Variants in NEU1 observed in about 807,000 individuals in gnomAD.
NEU1 encodes the protein sialidase-1.
NEU1 carries 32 observed loss-of-function variants against 38.3 expected under a neutral mutation model. The ratio of observed to expected loss-of-function variants is 0.84; its 90% confidence interval spans 0.63 to 1.12. The LOEUF (loss-of-function observed/expected upper bound fraction) is 1.12, where lower values mean the gene tolerates loss of function less well. Among genes scored for constraint, NEU1 ranks in the 50% most tolerant of loss-of-function variants. The pLI is 0.00. For missense variants in NEU1, 431 were observed against 549.2 expected (o/e 0.78, Z 2.15); for synonymous variants, 192 against 225.2 (o/e 0.85, Z 1.32).
rs1762474985 is a variant in NEU1, at chr6:31,860,632, G to T, written c.616-11C>A. The T allele has an allele frequency of 6.2e-7, 1 of 1,612,956 alleles. No homozygotes were observed. Among genetic ancestry groups the T allele is most frequent in the Admixed American group, 1.7e-5 (1 of 59,992 alleles). On this transcript the variant is annotated splice_polypyrimidine_tract_variant and intron_variant, in intron 3 of 5. Coordinates refer to ENST00000375631, the MANE Select transcript of NEU1 (RefSeq NM_000434.4). The surrounding 1 kb of genome is among the most constrained non-coding windows in gnomAD (Gnocchi z 4.8). ...TGGCTCCCGCTGTTTCTGTGGGAAA[G>T]GGAACTGGGTGTCACAGAAGGAGAC...
chr6:31,859,620 T>C lies in NEU1; in HGVS notation c.*99A>G, dbSNP rs1264721111. On this transcript the variant is annotated 3_prime_UTR_variant, in exon 6 of 6. Coordinates refer to ENST00000375631, the MANE Select transcript of NEU1 (RefSeq NM_000434.4). ...GCCAAGGCTGGAGTCTAAAGGAAGATGGAACTGTCTTTCAGGCGTCTCCAG... is the reference window on the plus strand; with the variant it reads ...GCCAAGGCTGGAGTCTAAAGGAAGACGGAACTGTCTTTCAGGCGTCTCCAG... 1.7e-6 allele frequency: 2 copies of C among 1,194,060 alleles called. No homozygotes were observed. The highest frequency in any genetic ancestry group is 2.4e-6 in the Non-Finnish European group (2 of 816,394). The allele number at this position is 1,194,060 out of a possible 1,614,324, so 74.0% of individuals were successfully genotyped here.
chr6:31,859,962 A>G lies in NEU1; in HGVS notation c.1022-17T>C. On this transcript the variant is annotated splice_polypyrimidine_tract_variant and intron_variant, in intron 5 of 5. Transcript: ENST00000375631. ...GGTTCACTCCTGGGGAGAGCAGGAG[A>G]GTCAGGGAGAGAGGGTCTCTGCCCA... 1 of 1,612,702 alleles carries G rather than the reference A, an allele frequency of 6.2e-7. No homozygotes were observed. The highest frequency in any genetic ancestry group is 8.5e-7 in the Non-Finnish European group (1 of 1,179,808).
rs2151542524 is a variant in NEU1, at chr6:31,858,561, G to A, written c.*1158C>T. 1 of 150,122 alleles carries A rather than the reference G, an allele frequency of 6.7e-6. No individual in the cohort carries two copies. Among genetic ancestry groups the A allele is most frequent in the African/African-American group, 2.5e-5 (1 of 40,774 alleles). 9.3% of individuals were successfully genotyped at this position (150,122 alleles called of 1,614,324 possible). A position where few individuals can be genotyped will look rare whatever the true frequency, so the allele number is the denominator to read the frequency against. On this transcript the variant is annotated 3_prime_UTR_variant, in exon 6 of 6. Coordinates refer to ENST00000375631, the MANE Select transcript of NEU1 (RefSeq NM_000434.4). The stretch of plus-strand genomic sequence containing the variant: ...GGAGGCAGAGGTTGCAGTGAGCCGA[G>A]ATCGCACCACTGCACTCTAGCCTGG...
Position 31,860,409 on chromosome 6 carries a change from TG to T in NEU1, c.798+29del, listed in dbSNP as rs1307229397. ...GTTCTGGAGGGCAGGGAGGGTCAAA[TG>T]GGTAGGGAACATCTCATGGACTCCT... is the stretch of plus-strand genomic sequence containing the variant. On this transcript the variant is annotated intron_variant, in intron 4 of 5. Transcript: ENST00000375631. The surrounding 1 kb of genome is among the most constrained non-coding windows in gnomAD (Gnocchi z 4.8). 1 of 1,613,692 alleles carries T rather than the reference TG, an allele frequency of 6.2e-7. No individual in the cohort carries two copies. Among genetic ancestry groups the T allele is most frequent in the Non-Finnish European group, 8.5e-7 (1 of 1,179,848 alleles).
In NEU1 at chr6:31,860,320, A is replaced by G; in HGVS notation, c.799-56T>C. ...GAACAGGGAAAATGCCCTGTCCCCG[A>G]GGGGAGCAAGGGTGTGTGGCACTGA... On this transcript the variant is annotated intron_variant, in intron 4 of 5. Transcript: ENST00000375631. The surrounding 1 kb of genome is among the most constrained non-coding windows in gnomAD (Gnocchi z 4.8). The G allele has an allele frequency of 6.2e-7, 1 of 1,602,390 alleles. No homozygotes were observed. Among genetic ancestry groups the G allele is most frequent in the Non-Finnish European group, 8.5e-7 (1 of 1,169,884 alleles).
In NEU1 at chr6:31,862,689, C is replaced by T; in HGVS notation, c.88G>A (p.Val30Met). The T allele has an allele frequency of 1.2e-6, 2 of 1,612,910 alleles. No homozygotes were observed. The highest frequency in any genetic ancestry group is 2.2e-5 in the East Asian group (1 of 44,900). ...LGFWGGCRVW[V>M]FAAIFLLLSL... ...AGCAGCAGGAAGATCGCGGCAAACA[C>T]CCAAACCCTACAGCCTCCCCAGAAG... Residue 30 changes from valine (V) to methionine (M), a missense_variant, in exon 1 of 6, where the codon GTG becomes ATG. Transcript: ENST00000375631. The surrounding 1 kb of genome is among the most constrained non-coding windows in gnomAD (Gnocchi z 6.3).
At position 31,860,253 on chromosome 6, in the gene NEU1, G is replaced by A; in HGVS notation, c.810C>T (p.Leu270=). 6.2e-7 allele frequency: 1 copy of A among 1,613,172 alleles called. No homozygotes were observed. ...CATTGATGACGACTGAGCCATCTGG[G>A]AGCTCATAGGGCTGAGGGGAGAGGA... The part of the protein sequence containing the change: ...FNPDECQPYE[L]PDGSVVINAR... Residue 270 remains leucine (L), a synonymous_variant, in exon 5 of 6, where the codon CTC becomes CTT. Coordinates refer to ENST00000375631, the MANE Select transcript of NEU1 (RefSeq NM_000434.4). This position sits in a 1 kb window ranked among gnomAD's most constrained non-coding sequence, Gnocchi z 4.8.
intron 2 of NEU1, chr6:31,861,738 G>A: frequency 1.6e-6 from 1 of 618,884 alleles, no homozygotes; most frequent in Non-Finnish European, 2.8e-6. Context: ...TTTGTTCGTG[G>A]CTATATTCAT....
In NEU1 at chr6:31,858,840, C is replaced by A. The variant is rs969440330; in HGVS notation, c.*879G>T. The A allele has an allele frequency of 6.6e-6, 1 of 151,596 alleles. No homozygotes were observed. The highest frequency in any genetic ancestry group is 2.4e-5 in the African/African-American group (1 of 41,170). 9.4% of individuals were successfully genotyped at this position (151,596 alleles called of 1,614,324 possible). A position where few individuals can be genotyped will look rare whatever the true frequency, so the allele number is the denominator to read the frequency against. ...TACCAGCCTGGGCAACATAGCGCAA[C>A]CTTGTCTCTACTGAAAATAAAAATT... On this transcript the variant is annotated 3_prime_UTR_variant, in exon 6 of 6. Coordinates refer to ENST00000375631, the MANE Select transcript of NEU1 (RefSeq NM_000434.4).
Position 31,860,124 on chromosome 6 carries a change from G to A in NEU1, c.939C>T (p.Leu313=), listed in dbSNP as rs149992593. 11 of 1,613,044 alleles carry A rather than the reference G, an allele frequency of 6.8e-6. No homozygotes were observed. The highest frequency in any genetic ancestry group is 1.1e-5 in the South Asian group (1 of 91,088). ...RPRDVTFDPE[L]VDPVVAAGAV... Reference sequence around the variant, plus strand: ...CTCCTGCAGCTACCACAGGGTCCACGAGCTCAGGGTCGAAGGTCACATCAC... The same window carrying A: ...CTCCTGCAGCTACCACAGGGTCCACAAGCTCAGGGTCGAAGGTCACATCAC... The change falls in exon 5 of 6, where the codon CTC becomes CTT. Residue 313 remains leucine, a synonymous_variant. Transcript: ENST00000375631. The surrounding 1 kb of genome is among the most constrained non-coding windows in gnomAD (Gnocchi z 4.8).
At chr6:31,861,481 T>G in intron 2 of NEU1, 31 bp from the exon 3 acceptor site, 5 of 1,612,412 alleles carry the variant, frequency 3.1e-6, no homozygotes, top group Non-Finnish European at 4.2e-6. Flanking sequence ...AAACCCAGAG[T>G]GAGCACTCTG....
In NEU1 at chr6:31,860,289, G is replaced by A; in HGVS notation, c.799-25C>T. The A allele has an allele frequency of 6.2e-7, 1 of 1,612,480 alleles. No homozygotes were observed. The highest frequency in any genetic ancestry group is 8.5e-7 in the Non-Finnish European group (1 of 1,179,018). ...GCTGAGGGGAGAGGACAGGACCTCAGGGAGGGAACAGGGAAAATGCCCTGT... is the reference window on the plus strand; with the variant it reads ...GCTGAGGGGAGAGGACAGGACCTCAAGGAGGGAACAGGGAAAATGCCCTGT... On this transcript the variant is annotated intron_variant, in intron 4 of 5. Transcript: ENST00000375631. The surrounding 1 kb of genome is among the most constrained non-coding windows in gnomAD (Gnocchi z 4.8).
Position 31,857,968 on chromosome 6 carries a change from G to C in NEU1, c.*1751C>G, listed in dbSNP as rs1157086804. 6.6e-6 allele frequency: 1 copy of C among 152,112 alleles called. No homozygotes were observed. The highest frequency in any genetic ancestry group is 2.4e-5 in the African/African-American group (1 of 41,388). 9.4% of individuals were successfully genotyped at this position (152,112 alleles called of 1,614,324 possible). A position where few individuals can be genotyped will look rare whatever the true frequency, so the allele number is the denominator to read the frequency against. Reference sequence around the variant, plus strand: ...GCAAACTCCGCCTCCTGGTTCAAGTGATTCTCCTGCCTCAGCCACCTGAGT... The same window carrying C: ...GCAAACTCCGCCTCCTGGTTCAAGTCATTCTCCTGCCTCAGCCACCTGAGT... On this transcript the variant is annotated 3_prime_UTR_variant, in exon 6 of 6. Transcript: ENST00000375631.
chr6:31,860,639 G>A lies in NEU1; in HGVS notation c.616-18C>T. ...CGCTGTTTCTGTGGGAAAGGGAACT[G>A]GGTGTCACAGAAGGAGACTCTAGGG... On this transcript the variant is annotated intron_variant, in intron 3 of 5. Coordinates refer to ENST00000375631, the MANE Select transcript of NEU1 (RefSeq NM_000434.4). The surrounding 1 kb of genome is among the most constrained non-coding windows in gnomAD (Gnocchi z 4.8). 1 of 1,612,774 alleles carries A rather than the reference G, an allele frequency of 6.2e-7. No individual in the cohort carries two copies. The highest frequency in any genetic ancestry group is 8.5e-7 in the Non-Finnish European group (1 of 1,179,954).
At position 31,859,943 on chromosome 6, in the gene NEU1, C is replaced by G; in HGVS notation, c.1024G>C (p.Val342Leu). The G allele has an allele frequency of 6.2e-7, 1 of 1,613,030 alleles. No homozygotes were observed. The highest frequency in any genetic ancestry group is 8.5e-7 in the Non-Finnish European group (1 of 1,180,022). The change falls in exon 6 of 6, where the codon GTG becomes CTG. Residue 342 changes from valine to leucine, a missense_variant and splice_region_variant. Coordinates refer to ENST00000375631, the MANE Select transcript of NEU1 (RefSeq NM_000434.4). Reference protein sequence around the residue: ...FSNPAHPEFRVNLTLRWSFSN... With the variant: ...FSNPAHPEFRLNLTLRWSFSN... ...AAGCTCCATCGCAGGGTCAGGTTCA[C>G]TCCTGGGGAGAGCAGGAGAGTCAGG...
intron 2 of NEU1, 25 bp from the exon 3 acceptor site, chr6:31,861,475 C>T: frequency 6.2e-7 from 1 of 1,612,608 alleles, no homozygotes; most frequent in Non-Finnish European, 8.5e-7. Flanking sequence ...AGGAAGAAAC[C>T]CAGAGTGAGC....
rs1762583371 is a variant in NEU1 at position 31,862,778 on chromosome 6, T to C, written c.-2A>G. On this transcript the variant is annotated 5_prime_UTR_variant, in exon 1 of 6. Transcript: ENST00000375631. This position sits in a 1 kb window ranked among gnomAD's most constrained non-coding sequence, Gnocchi z 6.3. ...CGTGCTGGGTCGCTCCCCAGTCATC[T>C]CTCCCCGCAGCTGCCGCGACCCTGG... 8 of 1,612,058 alleles carry C rather than the reference T, an allele frequency of 5.0e-6. No homozygotes were observed. Among genetic ancestry groups the C allele is most frequent in the Non-Finnish European group, 5.1e-6 (6 of 1,179,736 alleles).
Position 31,860,576 on chromosome 6 carries a change from C to T in NEU1, c.661G>A (p.Gly221Arg). The T allele has an allele frequency of 6.2e-7, 1 of 1,614,084 alleles. No individual in the cohort carries two copies. The highest frequency in any genetic ancestry group is 8.5e-7 in the Non-Finnish European group (1 of 1,180,022). The change falls in exon 4 of 6, where the codon GGG (glycine) becomes AGG (arginine). Residue 221 changes from glycine to arginine, a missense_variant. Physicochemically the swap from Gly to Arg is moderately radical, Grantham distance 125 (BLOSUM62 -2). Coordinates refer to ENST00000375631, the MANE Select transcript of NEU1 (RefSeq NM_000434.4). This position sits in a 1 kb window ranked among gnomAD's most constrained non-coding sequence, Gnocchi z 4.8. ...RKGRLIVCGHGTLERDGVFCL... is the reference protein window; with the variant it reads ...RKGRLIVCGHRTLERDGVFCL... ...AAGACTCCGTCCCGCTCCAGCGTCC[C>T]ATGGCCACACACGATGAGGCGGCCC...
At position 31,860,582 on chromosome 6, in the gene NEU1, C is replaced by T; in HGVS notation, c.655G>A (p.Gly219Ser). ...EPRKGRLIVCGHGTLERDGVF... is the reference protein window; with the variant it reads ...EPRKGRLIVCSHGTLERDGVF... ...CCGTCCCGCTCCAGCGTCCCATGGC[C>T]ACACACGATGAGGCGGCCCTTCCGT... Residue 219 changes from glycine to serine, a missense_variant, in exon 4 of 6, where the codon GGC becomes AGC. Gly to Ser is a moderately conservative substitution (Grantham distance 56). Transcript: ENST00000375631. The surrounding 1 kb of genome is among the most constrained non-coding windows in gnomAD (Gnocchi z 4.8). 1 of 1,614,064 alleles carries T rather than the reference C, an allele frequency of 6.2e-7. No individual in the cohort carries two copies. Among genetic ancestry groups the T allele is most frequent in the Non-Finnish European group, 8.5e-7 (1 of 1,180,032 alleles).
Sources: gnomAD v4.1 joint callset for allele counts on GRCh38, gnomAD v4.1.1 for gene constraint, Gnocchi (gnomAD v3.1) non-coding constraint, MANE v1.5 for transcripts, NCBI Gene and HGNC (gene_info 2026-07-23, HGNC 2026-07-21) for gene names.